RBFOX3: variants seen among roughly 807,000 people sequenced by gnomAD.
RBFOX3 encodes RNA binding fox-1 homolog 3.
A neutral mutation model predicts 48.7 loss-of-function variants in RBFOX3; 17 were observed. The ratio of observed to expected loss-of-function variants is 0.35; its 90% confidence interval spans 0.24 to 0.52. The LOEUF is 0.52. Among genes scored for constraint, RBFOX3 ranks in the 20% least tolerant of loss-of-function variants. RBFOX3 has a pLI of 0.94. For missense variants in RBFOX3, 382 were observed against 497.5 expected (o/e 0.77, Z 2.21); for synonymous variants, 212 against 209.5 (o/e 1.01, Z -0.10).
chr17:79,287,564 G>A (rs1013168028), intron 3 of RBFOX3, among the ~76,000 whole-genome samples: 2 of 152,190 alleles, frequency 1.3e-5, no homozygotes, highest in African/African-American at 4.8e-5. Context: ...AGTGCTCTGG[G>A]CAGGATCAGA....
chr17:79,455,768 A>G (rs2074365116), intron 2 of RBFOX3, among the ~76,000 whole-genome samples: 1 of 152,040 alleles, frequency 6.6e-6, no homozygotes, highest in South Asian at 2.1e-4. Flanking sequence ...ACACTCATCC[A>G]CAGAGCTGCT....
Position 79,187,835 on chromosome 17 carries a change from G to A in RBFOX3, c.-34+47931C>T, listed in dbSNP as rs142225451. Among the ~76,000 whole-genome samples, 456 of 152,214 alleles carry A rather than the reference G, an allele frequency of 3.0e-3. 3 individuals are homozygous for A. Among genetic ancestry groups the A allele is most frequent in the African/African-American group, 0.01 (418 of 41,536 alleles). ...ACGGGGCAAGGTCAGGCTGGGGATGGGAAACCCAGCAGACACCATGGGGGA... is the reference window on the plus strand; with the variant it reads ...ACGGGGCAAGGTCAGGCTGGGGATGAGAAACCCAGCAGACACCATGGGGGA... On this transcript the variant is annotated intron_variant, in intron 4 of 14. Transcript: ENST00000693108.
rs1366934488 is a variant in RBFOX3, at chr17:79,482,366, G to A, written c.-175+88C>T. On this transcript the variant is annotated intron_variant, in intron 2 of 14. Transcript: ENST00000693108. The surrounding 1 kb of genome is among the most constrained non-coding windows in gnomAD (Gnocchi z 4.1). Reference sequence around the variant, plus strand: ...ACGCCCCTACCCCACAACCCTTGCTGGAAAATCAAATCACCGCATTAAAAC... The same window carrying A: ...ACGCCCCTACCCCACAACCCTTGCTAGAAAATCAAATCACCGCATTAAAAC... 2 of 152,226 alleles carry A rather than the reference G, an allele frequency of 1.3e-5. No homozygotes were observed. The highest frequency in any genetic ancestry group is 2.9e-5 in the Non-Finnish European group (2 of 68,076). The allele number at this position is 152,226 out of a possible 1,614,324, so 9.4% of individuals were successfully genotyped here.
intron 4 of RBFOX3, among the ~76,000 whole-genome samples, chr17:79,173,124 C>T (rs2049725618): frequency 2.0e-5 from 3 of 152,176 alleles, no homozygotes; most frequent in South Asian, 2.1e-4. Flanking sequence ...GCACGAGAAT[C>T]GCTTGAACCC....
At chr17:79,336,891 G>C (rs549882556) in intron 2 of RBFOX3, among the ~76,000 whole-genome samples, 1 of 152,140 alleles carries the variant, frequency 6.6e-6, no homozygotes, top group Admixed American at 6.5e-5. Flanking sequence ...AGGCAGAGGC[G>C]GGTGGATCAC....
Position 79,556,086 on chromosome 17 carries a change from C to T in RBFOX3, c.-320+54740G>A, listed in dbSNP as rs1047751318. Among the ~76,000 whole-genome samples, 10 of 152,134 alleles carry T rather than the reference C, an allele frequency of 6.6e-5. No homozygotes were observed. In the South Asian group the frequency reaches 2.1e-3, roughly 31 times the overall value. On this transcript the variant is annotated intron_variant, in intron 1 of 14. Coordinates refer to ENST00000693108, the MANE Select transcript of RBFOX3 (RefSeq NM_001350451.2). ...GCGGGAAAGCATACTTGCAATCATCCAGACGCAATTCCTCCACTTTACAGA... is the reference window on the plus strand; with the variant it reads ...GCGGGAAAGCATACTTGCAATCATCTAGACGCAATTCCTCCACTTTACAGA...
rs184691706 is a variant in RBFOX3, at chr17:79,127,679, C to T, written c.-33-11931G>A. ...CCGGTTCCTATTGCTGATGTCACAT[C>T]GTGTGCTGGGGTCGGGTCTGGTTCC... On this transcript the variant is annotated intron_variant, in intron 4 of 14. Coordinates refer to ENST00000693108, the MANE Select transcript of RBFOX3 (RefSeq NM_001350451.2). 3.1e-4 allele frequency among the ~76,000 whole-genome samples: 47 copies of T among 152,258 alleles called. No individual in the cohort carries two copies. In the East Asian group the frequency reaches 8.3e-3, roughly 27 times the overall value.
intron 1 of RBFOX3, among the ~76,000 whole-genome samples, chr17:79,507,125 G>A (rs915518798): frequency 2.0e-5 from 3 of 152,094 alleles, no homozygotes; most frequent in Non-Finnish European, 4.4e-5. Flanking sequence ...GACCCCCGGG[G>A]GAGGCTGGAG....
At chr17:79,334,629 G>A (rs1433125677) in intron 2 of RBFOX3, among the ~76,000 whole-genome samples, 1 of 152,182 alleles carries the variant, frequency 6.6e-6, no homozygotes, top group East Asian at 1.9e-4. Context: ...GGGCCAACTG[G>A]AGCCCATCTG....
chr17:79,344,804 C>T (rs2082638069), intron 2 of RBFOX3, among the ~76,000 whole-genome samples: 2 of 152,156 alleles, frequency 1.3e-5, no homozygotes, highest in African/African-American at 4.8e-5. Flanking sequence ...GATCCACCCA[C>T]TTCAGCCTCC....
intron 2 of RBFOX3, among the ~76,000 whole-genome samples, chr17:79,453,792 G>C (rs1175959729): frequency 1.3e-5 from 2 of 152,108 alleles, no homozygotes; most frequent in African/African-American, 4.8e-5. Flanking sequence ...TGTTCTGCCA[G>C]CTCCCTCAGG....
chr17:79,350,924 C>A (rs755627604), intron 2 of RBFOX3, among the ~76,000 whole-genome samples: 1 of 152,188 alleles, frequency 6.6e-6, no homozygotes. Flanking sequence ...CCACCTTTTC[C>A]CCTCCCTGGC....
In RBFOX3 at chr17:79,161,268, C is replaced by G. The variant is rs577263479; in HGVS notation, c.-33-45520G>C. 8.5e-5 allele frequency among the ~76,000 whole-genome samples: 13 copies of G among 152,252 alleles called. No homozygotes were observed. In the South Asian group the frequency reaches 2.7e-3, roughly 32 times the overall value. ...AGCCAAGGAAGGGGCCGGCACGAGT[C>G]AAGTCGCAGAGCCCAGGGGACAGGT... is the stretch of plus-strand genomic sequence containing the variant. On this transcript the variant is annotated intron_variant, in intron 4 of 14. Transcript: ENST00000693108.
intron 2 of RBFOX3, among the ~76,000 whole-genome samples, chr17:79,320,559 G>A (rs568871835): frequency 6.6e-6 from 1 of 152,316 alleles, no homozygotes; most frequent in East Asian, 1.9e-4. Context: ...GGCAAACCCT[G>A]CCCATATCTA....
chr17:79,268,891 T>G (rs1563450), intron 3 of RBFOX3, among the ~76,000 whole-genome samples: 114,110 of 152,140 alleles, frequency 0.75, 44,638 homozygotes, highest in East Asian at 0.92. Flanking sequence ...CAGCCATTGC[T>G]CCCTGAAACG....
At chr17:79,105,411 G>A (rs1237325878) in intron 6 of RBFOX3, among the ~76,000 whole-genome samples, 1 of 152,174 alleles carries the variant, frequency 6.6e-6, no homozygotes, top group Non-Finnish European at 1.5e-5. Context: ...CCTGCAGGGG[G>A]CATCCAGCCA....
intron 9 of RBFOX3, among the ~76,000 whole-genome samples, chr17:79,100,887 T>TGC: frequency 6.6e-6 from 1 of 152,226 alleles, no homozygotes; most frequent in East Asian, 1.9e-4. Flanking sequence ...TGCAGTGGGG[T>TGC]GCACACACAC....
In RBFOX3 at chr17:79,412,526, TTG is replaced by T. The variant is rs1172747599; in HGVS notation, c.-175+69926_-175+69927del. On this transcript the variant is annotated intron_variant, in intron 2 of 14. Transcript: ENST00000693108. ...GTATGGTGTGTATGAATGCATTGTG[TTG>T]TGTATGCATGTGTTGTATGTGATAT... 2.0e-5 allele frequency among the ~76,000 whole-genome samples: 3 copies of T among 151,862 alleles called. No homozygotes were observed. The East Asian group carries it at 5.8e-4, about 29-fold the overall frequency.
chr17:79,241,155 C>T (rs929843950), intron 3 of RBFOX3, among the ~76,000 whole-genome samples: 2 of 150,506 alleles, frequency 1.3e-5, no homozygotes, highest in African/African-American at 2.5e-5. Context: ...ATCTAGCTAT[C>T]TATCTGTCTA....
Sources: gnomAD v4.1 joint callset for allele counts (sites outside exome capture counted in the v4.1 genomes callset) on GRCh38, gnomAD v4.1.1 for gene constraint, Gnocchi (gnomAD v3.1) non-coding constraint, MANE v1.5 for transcripts, NCBI Gene and HGNC (gene_info 2026-07-23, HGNC 2026-07-21) for gene names.